CAST: variants seen among roughly 807,000 people sequenced by gnomAD.
CAST encodes the protein MIR583 host.
Under a neutral mutation model 119.6 loss-of-function variants are expected in CAST, and 76 were observed. That is an observed-to-expected ratio of 0.64 (90% CI 0.53 to 0.77). The LOEUF (loss-of-function observed/expected upper bound fraction) is 0.77. Ranked by LOEUF, CAST falls within the 30% of genes least tolerant of loss-of-function variation. The probability of loss-of-function intolerance (pLI) is 0.00; values close to 1 mark genes in which losing one functional copy is unlikely to be tolerated. For synonymous variants in CAST, 319 were observed against 331.6 expected (o/e 0.96, Z 0.41); for missense variants, 953 against 946.5 (o/e 1.01, Z -0.09).
chr5:96,534,546 G>A (rs796971319), intron 1 of CAST, among the ~76,000 whole-genome samples: 3 of 151,560 alleles, frequency 2.0e-5, no homozygotes, highest in African/African-American at 7.3e-5. Flanking sequence ...GTGCGTGCCT[G>A]TAATCCCAGC....
chr5:96,337,498 A>G, the CAST span, among the ~76,000 whole-genome samples: 3 of 152,224 alleles, frequency 2.0e-5, no homozygotes, highest in Admixed American at 2.0e-4. Flanking sequence ...GTCCGTAGTA[A>G]CACTGGAAGT....
chr5:96,442,094 A>T, the CAST span, among the ~76,000 whole-genome samples: 1 of 152,228 alleles, frequency 6.6e-6, no homozygotes, highest in Non-Finnish European at 1.5e-5. Context: ...GTTTGCATAG[A>T]TAATCTCACA....
the CAST span, among the ~76,000 whole-genome samples, chr5:96,364,298 T>C: frequency 2.6e-5 from 4 of 152,340 alleles, no homozygotes; most frequent in East Asian, 5.8e-4. Flanking sequence ...AATCTCTTTT[T>C]TTGTTGTGTC....
At chr5:96,017,581 A>T in the CAST span, among the ~76,000 whole-genome samples, 1 of 152,192 alleles carries the variant, frequency 6.6e-6, no homozygotes, top group Non-Finnish European at 1.5e-5. Flanking sequence ...GGCTGATTTT[A>T]AAAATCATAT....
intron 1 of CAST, among the ~76,000 whole-genome samples, chr5:96,602,998 G>A (rs533683807): frequency 6.6e-6 from 1 of 152,356 alleles, no homozygotes; most frequent in Non-Finnish European, 1.5e-5. Flanking sequence ...CAGCTGAAGC[G>A]TGATAAGTGG....
At chr5:96,262,927 T>G in the CAST span, among the ~76,000 whole-genome samples, 1 of 152,168 alleles carries the variant, frequency 6.6e-6, no homozygotes, top group Non-Finnish European at 1.5e-5. Context: ...CTTCCTCCTT[T>G]ATGCCTCAAG....
At chr5:96,175,837 G>T in the CAST span, among the ~76,000 whole-genome samples, 4 of 152,150 alleles carry the variant, frequency 2.6e-5, no homozygotes, top group Non-Finnish European at 5.9e-5. Flanking sequence ...AATACATCCT[G>T]GTTATTTTTC....
intron 1 of CAST, among the ~76,000 whole-genome samples, chr5:96,553,795 C>A (rs1384001427): frequency 6.6e-6 from 1 of 152,100 alleles, no homozygotes; most frequent in East Asian, 1.9e-4. Context: ...GAGTTAACTC[C>A]CATTCTCAAT....
chr5:96,613,313 G>T (rs1255752036), intron 1 of CAST, among the ~76,000 whole-genome samples: 5 of 152,204 alleles, frequency 3.3e-5, no homozygotes, highest in Middle Eastern at 3.4e-3. Flanking sequence ...CTTGAACATG[G>T]TTTCATCTCT....
At chr5:96,116,348 C>A in the CAST span, among the ~76,000 whole-genome samples, 16 of 152,102 alleles carry the variant, frequency 1.1e-4, no homozygotes, top group Non-Finnish European at 5.9e-5. Flanking sequence ...ACCCACTCAC[C>A]AGTTGATGGA....
the CAST span, among the ~76,000 whole-genome samples, chr5:96,144,374 T>G: frequency 6.6e-6 from 1 of 152,188 alleles, no homozygotes; most frequent in Admixed American, 6.5e-5. Flanking sequence ...GCCCTTTCTT[T>G]AGCACTTTTT....
At chr5:96,662,370 C>A, upstream of CAST, 1 of 1,383,676 alleles carries the variant, frequency 7.2e-7, no homozygotes, top group Non-Finnish European at 9.3e-7. Context: ...GCCAGGCCTC[C>A]CCGCCACTCT....
intron 1 of CAST, among the ~76,000 whole-genome samples, chr5:96,597,157 A>G (rs1747067547): frequency 6.6e-6 from 1 of 152,202 alleles, no homozygotes; most frequent in Non-Finnish European, 1.5e-5. Context: ...ACGACCTCAT[A>G]TATTTCATTG....
chr5:96,303,729 C>T, the CAST span, among the ~76,000 whole-genome samples: 302 of 151,430 alleles, frequency 2.0e-3, no homozygotes, highest in Non-Finnish European at 3.2e-3. Flanking sequence ...TGTTAGTTTG[C>T]TGAGAATGAG....
the CAST span, among the ~76,000 whole-genome samples, chr5:96,434,347 C>T: frequency 2.0e-5 from 3 of 152,232 alleles, no homozygotes; most frequent in Non-Finnish European, 4.4e-5. Context: ...ACACGCAGGA[C>T]TGCCGCAGGA....
chr5:96,567,162 C>A (rs1388101128), intron 1 of CAST, among the ~76,000 whole-genome samples: 3 of 152,182 alleles, frequency 2.0e-5, no homozygotes, highest in African/African-American at 7.2e-5. Context: ...CACAACACTG[C>A]CAGACAAATT....
At chr5:96,247,780 CA>C in the CAST span, 3 of 152,198 alleles carry the variant, frequency 2.0e-5, no homozygotes, top group African/African-American at 7.2e-5. Context: ...TGCTGATAAT[CA>C]GTGCAAAGAA....
intron 1 of CAST, chr5:96,662,885 CGT>C (rs1049076682): frequency 5.3e-6 from 3 of 570,854 alleles, no homozygotes; most frequent in Non-Finnish European, 9.2e-6. Context: ...GGCCGCAGGG[CGT>C]GGCTGCCTGG....
At chr5:96,162,254 TA>T in the CAST span, among the ~76,000 whole-genome samples, 2 of 152,248 alleles carry the variant, frequency 1.3e-5, no homozygotes, top group Non-Finnish European at 1.5e-5. Context: ...AGGTTTTTCC[TA>T]GGTGCCATTT....
Sources: allele counts gnomAD v4.1 joint callset (sites outside exome capture counted in the v4.1 genomes callset), GRCh38; gene constraint gnomAD v4.1.1; transcripts MANE v1.5; gene names NCBI Gene and HGNC (gene_info 2026-07-23, HGNC 2026-07-21).